Variants in PDE4D observed in about 807,000 individuals in gnomAD.
The protein encoded by PDE4D is phosphodiesterase 4D, also known as 3',5'-cyclic-AMP phosphodiesterase 4D.
Under a neutral mutation model 87.4 loss-of-function variants are expected in PDE4D, and 24 were observed. The ratio of observed to expected loss-of-function variants is 0.27; its 90% CI spans 0.20 to 0.39. The LOEUF is 0.39. Ranked by LOEUF, PDE4D falls within the 10% of genes least tolerant of loss-of-function variation. The pLI, the probability that PDE4D is intolerant of heterozygous loss-of-function variation, is 1.00. For synonymous variants in PDE4D, 384 were observed against 383.2 expected (o/e 1.00, Z -0.02); for missense variants, 714 against 1,041.0 (o/e 0.69, Z 4.32).
chr5:60,113,303 C>T (rs529835548), intron 2 of PDE4D, among the ~76,000 whole-genome samples: 3 of 151,950 alleles, frequency 2.0e-5, no homozygotes, highest in Non-Finnish European at 4.4e-5. Flanking sequence ...ATAATAAATA[C>T]CATAAACTTA....
At chr5:60,279,420 A>T (rs1355672048) in intron 1 of PDE4D, among the ~76,000 whole-genome samples, 1 of 152,166 alleles carries the variant, frequency 6.6e-6, no homozygotes, top group Non-Finnish European at 1.5e-5. Flanking sequence ...CTTTTCTGAC[A>T]CTATCCCAGT....
Position 59,140,917 on chromosome 5 carries a change from C to T in PDE4D, c.808+39678G>A, listed in dbSNP as rs1227218184. Among the ~76,000 whole-genome samples, 5 of 152,258 alleles carry T rather than the reference C, an allele frequency of 3.3e-5. No homozygotes were observed. In the East Asian group the frequency reaches 7.7e-4, roughly 23 times the overall value. On this transcript the variant is annotated intron_variant, in intron 5 of 14. Coordinates refer to ENST00000340635, the MANE Select transcript of PDE4D (RefSeq NM_001104631.2). Reference sequence around the variant, plus strand: ...ACTGGCTAGAGTCAGGAATCATCAGCGTATTCCTTTAAAGATAAAAATTAT... The same window carrying T: ...ACTGGCTAGAGTCAGGAATCATCAGTGTATTCCTTTAAAGATAAAAATTAT...
intron 1 of PDE4D, among the ~76,000 whole-genome samples, chr5:59,235,866 T>C (rs537783279): frequency 6.6e-6 from 1 of 152,312 alleles, no homozygotes; most frequent in Non-Finnish European, 1.5e-5. Context: ...TAAATGTTTG[T>C]TAATACTTAG....
chr5:59,031,393 TA>T (rs1554051283), intron 6 of PDE4D, among the ~76,000 whole-genome samples: 36 of 29,684 alleles, frequency 1.2e-3, no homozygotes, highest in East Asian at 2.1e-3. Flanking sequence ...ATATATATAT[TA>T]TATATATATA....
chr5:59,465,160 T>C (rs942386129), intron 1 of PDE4D, among the ~76,000 whole-genome samples: 1 of 152,188 alleles, frequency 6.6e-6, no homozygotes, highest in African/African-American at 2.4e-5. Flanking sequence ...TCCTGTTAGC[T>C]CTCTTCATCT....
At position 59,498,837 on chromosome 5, in the gene PDE4D, C is replaced by T. The variant is rs372991127; in HGVS notation, c.456-282869G>A. 2.0e-4 allele frequency among the ~76,000 whole-genome samples: 31 copies of T among 152,094 alleles called. No individual in the cohort carries two copies. The East Asian group carries it at 4.6e-3, about 23-fold the overall frequency. The stretch of plus-strand genomic sequence containing the variant: ...ATGGCCACCCAATAATAGTGGGGAA[C>T]TTCAGCACACGAGTGAAAGCAATAG... On this transcript the variant is annotated intron_variant, in intron 1 of 14. Transcript: ENST00000340635.
At chr5:59,262,513 C>T (rs1026169133) in intron 1 of PDE4D, among the ~76,000 whole-genome samples, 13 of 151,728 alleles carry the variant, frequency 8.6e-5, no homozygotes, top group African/African-American at 2.7e-4. Flanking sequence ...TAAAAGCTGG[C>T]TTCACAATCG....
At chr5:59,775,050 A>G (rs188114473) in intron 1 of PDE4D, among the ~76,000 whole-genome samples, 19 of 152,266 alleles carry the variant, frequency 1.2e-4, no homozygotes, top group Admixed American at 1.2e-3. Context: ...AAGTTGCAAT[A>G]CAATTTAGGT....
chr5:60,272,204 A>T lies in PDE4D; in HGVS notation c.-89-86517T>A, dbSNP rs533451601. 7.2e-5 allele frequency among the ~76,000 whole-genome samples: 11 copies of T among 152,338 alleles called. No homozygotes were observed. The East Asian group carries it at 1.7e-3, about 24-fold the overall frequency. ...TATGCTCTGCAGATTGCTAAAGAGG[A>T]TGACCCCATACAACACAAATCAGGA... is the stretch of plus-strand genomic sequence containing the variant. On this transcript the variant is annotated intron_variant, in intron 1 of 16. Coordinates refer to the PDE4D transcript ENST00000502484.
chr5:60,048,553 C>T (rs1338014249), intron 2 of PDE4D, among the ~76,000 whole-genome samples: 6 of 152,102 alleles, frequency 3.9e-5, no homozygotes. Flanking sequence ...TCTTTTAGGG[C>T]ATGCCTGGTG....
At chr5:59,474,413 T>C (rs1357926171) in intron 1 of PDE4D, among the ~76,000 whole-genome samples, 1 of 152,174 alleles carries the variant, frequency 6.6e-6, no homozygotes, top group African/African-American at 2.4e-5. Flanking sequence ...CAAATACTTC[T>C]AGCTTTCCTT....
chr5:60,373,899 A>G (rs1005256784), intron 1 of PDE4D, among the ~76,000 whole-genome samples: 2 of 152,148 alleles, frequency 1.3e-5, no homozygotes, highest in Non-Finnish European at 2.9e-5. Context: ...CACTTACTCT[A>G]TTGCCTCATT....
intron 1 of PDE4D, among the ~76,000 whole-genome samples, chr5:60,449,254 T>C (rs2150148215): frequency 6.6e-6 from 1 of 152,060 alleles, no homozygotes; most frequent in African/African-American, 2.4e-5. Context: ...AAAGGTCCTA[T>C]AGGATGGCCA....
At position 60,384,937 on chromosome 5, in the gene PDE4D, C is replaced by T. The variant is rs576714090; in HGVS notation, c.-90+103005G>A. On this transcript the variant is annotated intron_variant, in intron 1 of 16. Coordinates refer to the PDE4D transcript ENST00000502484. ...TCCTTATTTTGCTTAATGGATCCCA[C>T]CAGTCAACAAACCTAAACCTTGAAT... is the stretch of plus-strand genomic sequence containing the variant. 1.9e-4 allele frequency among the ~76,000 whole-genome samples: 29 copies of T among 152,322 alleles called. No homozygotes were observed. The South Asian group carries it at 2.1e-3, about 11-fold the overall frequency.
intron 1 of PDE4D, among the ~76,000 whole-genome samples, chr5:59,730,811 A>T (rs68068316): frequency 1.6e-3 from 241 of 152,238 alleles, no homozygotes; most frequent in African/African-American, 5.6e-3. Flanking sequence ...TTTTAATAAA[A>T]GGAGGTCATG....
Position 59,825,643 on chromosome 5 carries a change from T to C in PDE4D, c.455+67525A>G, listed in dbSNP as rs867168724. Among the ~76,000 whole-genome samples the C allele has an allele frequency of 2.0e-5, 3 of 152,196 alleles. No individual in the cohort carries two copies. The South Asian group carries it at 6.2e-4, about 32-fold the overall frequency. The stretch of plus-strand genomic sequence containing the variant: ...GATGACATTAAGATGCTTCACCTGC[T>C]GTGTCCGTTGCCCTGTATCCATCCA... On this transcript the variant is annotated intron_variant, in intron 1 of 14. Coordinates refer to ENST00000340635, the MANE Select transcript of PDE4D (RefSeq NM_001104631.2).
At chr5:59,598,549 A>T (rs979232864) in intron 1 of PDE4D, among the ~76,000 whole-genome samples, 2 of 152,174 alleles carry the variant, frequency 1.3e-5, no homozygotes, top group Non-Finnish European at 2.9e-5. Context: ...CACTGATTAG[A>T]GGCACAGTCC....
At chr5:59,036,847 A>C (rs1561360951) in intron 6 of PDE4D, among the ~76,000 whole-genome samples, 1 of 152,090 alleles carries the variant, frequency 6.6e-6, no homozygotes, top group Non-Finnish European at 1.5e-5. Context: ...AAATATCCTA[A>C]TTTTTCAGCC....
chr5:58,993,691 A>G (rs1475047193), intron 6 of PDE4D, among the ~76,000 whole-genome samples: 1 of 152,178 alleles, frequency 6.6e-6, no homozygotes, highest in Non-Finnish European at 1.5e-5. Flanking sequence ...AGCATTTGAA[A>G]TGTGGCTAGT....
Sources: gnomAD v4.1 joint callset for allele counts (sites outside exome capture counted in the v4.1 genomes callset) on GRCh38, gnomAD v4.1.1 for gene constraint, MANE v1.5 for transcripts, NCBI Gene and HGNC (gene_info 2026-07-23, HGNC 2026-07-21) for gene names.